Variants in CELF2 observed in about 807,000 individuals in gnomAD.
The protein encoded by CELF2 is CUGBP Elav-like family member 2.
Under a neutral mutation model 62.6 loss-of-function variants are expected in CELF2, and 8 were observed. That is an observed-to-expected ratio of 0.13 (90% CI 0.07 to 0.23). The LOEUF (loss-of-function observed/expected upper bound fraction) is 0.23. Among genes scored for constraint, CELF2 ranks in the 10% least tolerant of loss-of-function variants. CELF2 has a pLI of 1.00. For synonymous variants in CELF2, 258 were observed against 250.0 expected (o/e 1.03, Z -0.30); for missense variants, 333 against 671.0 (o/e 0.50, Z 5.56).
the CELF2 span, among the ~76,000 whole-genome samples, chr10:10,529,882 C>T: frequency 6.6e-6 from 1 of 152,124 alleles, no homozygotes; most frequent in Non-Finnish European, 1.5e-5. Flanking sequence ...GGCAGTGCCA[C>T]CATCTTTAGG....
At chr10:11,092,435 T>A (rs1040498943) in intron 1 of CELF2, 5 of 152,332 alleles carry the variant, frequency 3.3e-5, no homozygotes, top group Admixed American at 3.3e-4. Flanking sequence ...GCAAGGTTCA[T>A]AGCTGAGACC....
chr10:10,888,943 T>C (rs2061952212), intron 1 of CELF2, among the ~76,000 whole-genome samples: 1 of 152,218 alleles, frequency 6.6e-6, no homozygotes, highest in East Asian at 1.9e-4. Flanking sequence ...TTTGTCTTCC[T>C]GCCCTACCCA....
chr10:11,005,469 G>C lies in CELF2; in HGVS notation c.53+29G>C. ...TGTTGTTGTGTCCTTTGTTTTTAAT[G>C]CACGCTTTTCTAGTTTCTAGAGCTG... On this transcript the variant is annotated intron_variant, in intron 1 of 12. Coordinates refer to the CELF2 transcript ENST00000416382. The surrounding 1 kb of genome is among the most constrained non-coding windows in gnomAD (Gnocchi z 4.3). 1.9e-6 allele frequency: 3 copies of C among 1,613,784 alleles called. No homozygotes were observed. The highest frequency in any genetic ancestry group is 2.5e-6 in the Non-Finnish European group (3 of 1,179,792).
At chr10:11,024,531 G>T (rs1045416911) in intron 1 of CELF2, among the ~76,000 whole-genome samples, 1 of 152,160 alleles carries the variant, frequency 6.6e-6, no homozygotes, top group African/African-American at 2.4e-5. Context: ...AACCTGGGAG[G>T]TGGAGGTTGC....
chr10:10,592,234 C>G, the CELF2 span, among the ~76,000 whole-genome samples: 3 of 152,100 alleles, frequency 2.0e-5, no homozygotes, highest in African/African-American at 7.2e-5. Context: ...GAAACGAAGC[C>G]CTGGCTGACA....
rs996637442 is a variant in CELF2, at chr10:11,211,795, A to T, written c.272-5630A>T. ...GAGAGTGTGTGTGTATGTGTGTGAG[A>T]GAGAGAGAGAGAGAGAGAGTGTGTG... On this transcript the variant is annotated intron_variant, in intron 2 of 12. Coordinates refer to ENST00000633077, the MANE Select transcript of CELF2 (RefSeq NM_001326342.2). The surrounding 1 kb of genome is among the most constrained non-coding windows in gnomAD (Gnocchi z 4.8). 2.4e-3 allele frequency among the ~76,000 whole-genome samples: 221 copies of T among 91,158 alleles called. 2 individuals are homozygous for T. The highest frequency in any genetic ancestry group is 0.011 in the East Asian group (46 of 4,004). The allele number at this position is 91,158 out of a possible 152,430, so 59.8% of individuals were successfully genotyped here.
chr10:11,160,673 G>C (rs879597757), intron 1 of CELF2, among the ~76,000 whole-genome samples: 1 of 150,556 alleles, frequency 6.6e-6, no homozygotes, highest in East Asian at 1.9e-4. Context: ...AAGAGTATTG[G>C]AGTAATAAGA....
chr10:10,581,069 G>A, the CELF2 span, among the ~76,000 whole-genome samples: 166 of 152,298 alleles, frequency 1.1e-3, no homozygotes, highest in African/African-American at 3.9e-3. Context: ...TGTTTTAAAT[G>A]TTGGTGAATT....
chr10:10,672,031 G>A, the CELF2 span, among the ~76,000 whole-genome samples: 2 of 152,144 alleles, frequency 1.3e-5, no homozygotes, highest in Non-Finnish European at 2.9e-5. Flanking sequence ...TGCCCAGCCT[G>A]TATGTCTTCT....
At chr10:10,817,397 C>T (rs560594044) in intron 1 of CELF2, among the ~76,000 whole-genome samples, 2 of 152,264 alleles carry the variant, frequency 1.3e-5, no homozygotes, top group South Asian at 2.1e-4. Flanking sequence ...ACTGTGCTAC[C>T]AAATAGTAGG....
At chr10:11,250,367 C>G (rs2076782752) in intron 4 of CELF2, among the ~76,000 whole-genome samples, 1 of 152,232 alleles carries the variant, frequency 6.6e-6, no homozygotes. Context: ...GCTTTTCTCT[C>G]TCTAGGAGGA....
At position 11,285,913 on chromosome 10, in the gene CELF2, T is replaced by C; in HGVS notation, c.842-2505T>C. ...GACTTGAAAATGAGTAAGACATAAT[T>C]TTTGTCCTAAAGGAACTTGGTATCT... On this transcript the variant is annotated intron_variant, in intron 8 of 12. Transcript: ENST00000633077. This position sits in a 1 kb window ranked among gnomAD's most constrained non-coding sequence, Gnocchi z 4.3. Among the ~76,000 whole-genome samples, 1 of 151,078 alleles carries C rather than the reference T, an allele frequency of 6.6e-6. No homozygotes were observed. The highest frequency in any genetic ancestry group is 1.5e-5 in the Non-Finnish European group (1 of 67,848).
upstream of CELF2, chr10:11,005,099 G>T (rs1010003395): frequency 4.0e-5 from 39 of 985,216 alleles, no homozygotes; most frequent in Non-Finnish European, 3.9e-5. This position sits in a 1 kb window ranked among gnomAD's most constrained non-coding sequence, Gnocchi z 4.3. Context: ...ATGCAGACAA[G>T]ACCCCTATAG....
At chr10:11,299,791 C>T (rs2093545118) in intron 9 of CELF2, among the ~76,000 whole-genome samples, 1 of 140,518 alleles carries the variant, frequency 7.1e-6, no homozygotes, top group African/African-American at 2.7e-5. Flanking sequence ...TACACATTGT[C>T]CCCCTTGTAA....
Position 11,159,387 on chromosome 10 carries a change from T to C in CELF2, c.75-6099T>C, listed in dbSNP as rs2065199242. Among the ~76,000 whole-genome samples the C allele has an allele frequency of 6.6e-6, 1 of 152,118 alleles. No individual in the cohort carries two copies. The highest frequency in any genetic ancestry group is 2.4e-5 in the African/African-American group (1 of 41,408). The stretch of plus-strand genomic sequence containing the variant: ...AAGGCAGTCATGGAAGACAGACGCG[T>C]TTTTCATGATGACTGTGAAGCAGTG... On this transcript the variant is annotated intron_variant, in intron 1 of 12. Transcript: ENST00000633077. The surrounding 1 kb of genome is among the most constrained non-coding windows in gnomAD (Gnocchi z 5.0).
chr10:11,044,275 G>T (rs1220338872), intron 1 of CELF2, among the ~76,000 whole-genome samples: 1 of 152,184 alleles, frequency 6.6e-6, no homozygotes, highest in Non-Finnish European at 1.5e-5. Flanking sequence ...CCCCGAAACA[G>T]CAGGGGCTTG....
rs141609898 is a variant in CELF2 at position 11,306,268 on chromosome 10, T to C, written c.977-7871T>C. Among the ~76,000 whole-genome samples, 188 of 152,140 alleles carry C rather than the reference T, an allele frequency of 1.2e-3. 1 individual carries two copies. Among genetic ancestry groups the C allele is most frequent in the African/African-American group, 4.1e-3 (170 of 41,520 alleles). On this transcript the variant is annotated intron_variant, in intron 9 of 12. Coordinates refer to ENST00000633077, the MANE Select transcript of CELF2 (RefSeq NM_001326342.2). The surrounding 1 kb of genome is among the most constrained non-coding windows in gnomAD (Gnocchi z 4.4). Reference sequence around the variant, plus strand: ...CAACATTTATAGACCGCACCTCTCCTGAGATGCTCCTTTGGCATTTTGTAA... The same window carrying C: ...CAACATTTATAGACCGCACCTCTCCCGAGATGCTCCTTTGGCATTTTGTAA...
chr10:11,301,880 G>A (rs533149686), intron 9 of CELF2, among the ~76,000 whole-genome samples: 137 of 152,204 alleles, frequency 9.0e-4, no homozygotes, highest in Non-Finnish European at 1.1e-3. Context: ...TGGAGTGCGA[G>A]GCCCTTGTCC....
At chr10:11,199,856 G>A (rs970177787) in intron 2 of CELF2, among the ~76,000 whole-genome samples, 3 of 152,206 alleles carry the variant, frequency 2.0e-5, no homozygotes, top group African/African-American at 7.2e-5. Flanking sequence ...CAGTCAGAGT[G>A]TTTAAGCTAG....
Sources: allele counts gnomAD v4.1 joint callset (sites outside exome capture counted in the v4.1 genomes callset), GRCh38; gene constraint gnomAD v4.1.1; non-coding constraint Gnocchi (gnomAD v3.1); transcripts MANE v1.5; gene names NCBI Gene and HGNC (gene_info 2026-07-23, HGNC 2026-07-21).